EVC: variants seen among roughly 807,000 people sequenced by gnomAD.
EVC encodes EvC ciliary complex subunit 1, also known as evC complex member EVC.
Under a neutral mutation model 118.9 loss-of-function variants are expected in EVC, and 116 were observed. That is an observed-to-expected ratio of 0.98 (90% CI 0.84 to 1.14). The LOEUF (loss-of-function observed/expected upper bound fraction) is 1.14, where lower values mean the gene tolerates loss of function less well. EVC is among the 50% of genes most tolerant of loss of function. The pLI is 0.00. For synonymous variants in EVC, 619 were observed against 534.7 expected (o/e 1.16, Z -2.18); for missense variants, 1,401 against 1,246.4 (o/e 1.12, Z -1.87).
chr4:5,806,495 C>T (rs1209837757), intron 17 of EVC, among the ~76,000 whole-genome samples: 1 of 152,096 alleles, frequency 6.6e-6, no homozygotes, highest in East Asian at 1.9e-4. Flanking sequence ...CCTCCAGTTC[C>T]ATCCACGTTG....
chr4:5,808,135 C>CAACCAA, intron 17 of EVC, 66 bp from the exon 18 acceptor site: 2 of 515,900 alleles, frequency 3.9e-6, no homozygotes, highest in Non-Finnish European at 7.4e-6. Flanking sequence ...TTCCTTCTCC[C>CAACCAA]TCCCTCCCTC....
In EVC at chr4:5,711,301, C is replaced by T. The variant is rs1390359062; in HGVS notation, c.-80C>T. The T allele has an allele frequency of 1.0e-6, 1 of 960,818 alleles. No homozygotes were observed. Among genetic ancestry groups the T allele is most frequent in the Non-Finnish European group, 1.2e-6 (1 of 803,262 alleles). 59.5% of individuals were successfully genotyped at this position (960,818 alleles called of 1,614,324 possible). A position where few individuals can be genotyped will look rare whatever the true frequency, so the allele number is the denominator to read the frequency against. On this transcript the variant is annotated 5_prime_UTR_variant, in exon 1 of 21. Transcript: ENST00000264956. ...GCCGCGCCCCTGGCCCGCCCGGGCTCCAAGTCCCGCGTCGCCGCCCTGGCG... is the reference window on the plus strand; with the variant it reads ...GCCGCGCCCCTGGCCCGCCCGGGCTTCAAGTCCCGCGTCGCCGCCCTGGCG...
intron 11 of EVC, among the ~76,000 whole-genome samples, chr4:5,764,645 T>A (rs1171572404): frequency 0.016 from 2,130 of 136,508 alleles, 84 homozygotes; most frequent in Non-Finnish European, 0.025. Flanking sequence ...GTGTATGTGT[T>A]GAGGAATTTA....
chr4:5,725,912 C>T (rs1041158871), intron 2 of EVC, among the ~76,000 whole-genome samples: 4 of 152,218 alleles, frequency 2.6e-5, no homozygotes, highest in East Asian at 1.9e-4. Flanking sequence ...GAGGGGTCTT[C>T]CCCCATTCTT....
rs1047525297 is a variant in EVC, at chr4:5,814,196, T to C, written c.*3159T>C. 2 of 152,314 alleles carry C rather than the reference T, an allele frequency of 1.3e-5. No homozygotes were observed. Among genetic ancestry groups the C allele is most frequent in the Non-Finnish European group, 2.9e-5 (2 of 68,098 alleles). 9.4% of individuals were successfully genotyped at this position (152,314 alleles called of 1,614,324 possible). On this transcript the variant is annotated 3_prime_UTR_variant, in exon 21 of 21. Transcript: ENST00000264956. Reference sequence around the variant, plus strand: ...CCTCCATTTTGGTTACCATCCCCACTTATTATGGGCTGTGGGCTGTTATGG... The same window carrying C: ...CCTCCATTTTGGTTACCATCCCCACCTATTATGGGCTGTGGGCTGTTATGG...
rs1425817422 is a variant in EVC at position 5,768,823 on chromosome 4, C to T, written c.1563+12461C>T. 4.9e-5 allele frequency among the ~76,000 whole-genome samples: 3 copies of T among 61,438 alleles called. No homozygotes were observed. In the East Asian group the frequency reaches 1.3e-3, roughly 26 times the overall value. The allele number at this position is 61,438 out of a possible 152,430, so 40.3% of individuals were successfully genotyped here. A position where few individuals can be genotyped will look rare whatever the true frequency, so the allele number is the denominator to read the frequency against. On this transcript the variant is annotated intron_variant, in intron 11 of 20. Transcript: ENST00000264956. ...AGTGAGGCGAGATCACACCACTGTA[C>T]TCTAGCCTGGTGACAGAGCAAAACT...
At chr4:5,772,265 A>G (rs558583736) in intron 11 of EVC, among the ~76,000 whole-genome samples, 1 of 152,246 alleles carries the variant, frequency 6.6e-6, no homozygotes, top group East Asian at 1.9e-4. Context: ...TACAACTCAC[A>G]GTGCCCTTGT....
At position 5,754,872 on chromosome 4, in the gene EVC, C is replaced by A. The variant is rs1730925824; in HGVS notation, c.1464+939C>A. Among the ~76,000 whole-genome samples, 1 of 152,156 alleles carries A rather than the reference C, an allele frequency of 6.6e-6. No individual in the cohort carries two copies. The highest frequency in any genetic ancestry group is 2.1e-4 in the South Asian group (1 of 4,816). ...TTGCCTGGGTCCGCCTGCCCTCCGT[C>A]AACACTTGGTACAGCACATCTCAGT... On this transcript the variant is annotated intron_variant, in intron 10 of 20. Coordinates refer to ENST00000264956, the MANE Select transcript of EVC (RefSeq NM_153717.3). This position sits in a 1 kb window ranked among gnomAD's most constrained non-coding sequence, Gnocchi z 5.8.
At position 5,793,672 on chromosome 4, in the gene EVC, G is replaced by A; in HGVS notation, c.1841G>A (p.Gly614Asp). ...LQTHLREDHE[G>D]TIRGVLGRLG... is the part of the protein sequence containing the mutation. ...ACACACCTGCGGGAGGACCACGAGGGCACCATCCGCGGCGTCTTGGGCCGA... is the reference window on the plus strand; with the variant it reads ...ACACACCTGCGGGAGGACCACGAGGACACCATCCGCGGCGTCTTGGGCCGA... Residue 614 changes from glycine (G) to aspartate (D), a missense_variant, in exon 13 of 21, where the codon GGC (glycine) becomes GAC (aspartate). Transcript: ENST00000264956. 3 of 1,552,632 alleles carry A rather than the reference G, an allele frequency of 1.9e-6. No individual in the cohort carries two copies. The highest frequency in any genetic ancestry group is 2.6e-6 in the Non-Finnish European group (3 of 1,147,976).
rs775782712 is a variant in EVC at position 5,749,502 on chromosome 4, T to A, written c.1098+1196T>A. On this transcript the variant is annotated intron_variant, in intron 8 of 20. Transcript: ENST00000264956. The surrounding 1 kb of genome is among the most constrained non-coding windows in gnomAD (Gnocchi z 4.4). ...TCTGTTGTTTGGAGCTGTGTGATCTTGAACACATTACTTAACCTCTCTGCG... is the reference window on the plus strand; with the variant it reads ...TCTGTTGTTTGGAGCTGTGTGATCTAGAACACATTACTTAACCTCTCTGCG... Among the ~76,000 whole-genome samples, 2 of 152,180 alleles carry A rather than the reference T, an allele frequency of 1.3e-5. No individual in the cohort carries two copies. Among genetic ancestry groups the A allele is most frequent in the Non-Finnish European group, 2.9e-5 (2 of 68,036 alleles).
chr4:5,818,782 A>C (rs1718054488), downstream of EVC, among the ~76,000 whole-genome samples: 1 of 152,224 alleles, frequency 6.6e-6, no homozygotes, highest in Admixed American at 6.5e-5. Context: ...TCTCAGTCTC[A>C]AAGTCTGTAA....
chr4:5,795,956 T>C (rs1713870536), intron 13 of EVC, among the ~76,000 whole-genome samples: 1 of 152,148 alleles, frequency 6.6e-6, no homozygotes, highest in Admixed American at 6.5e-5. Context: ...TCTGAGGCTT[T>C]TCCACTTTAT....
chr4:5,753,243 G>C (rs574403615), intron 9 of EVC, among the ~76,000 whole-genome samples, 191 bp downstream of exon 9: 169 of 152,356 alleles, frequency 1.1e-3, no homozygotes, highest in African/African-American at 3.9e-3. Context: ...CTGTACAGCA[G>C]AGTCCATGAG....
chr4:5,774,175 C>T (rs755744682), intron 11 of EVC, among the ~76,000 whole-genome samples: 1 of 151,862 alleles, frequency 6.6e-6, no homozygotes, highest in Non-Finnish European at 1.5e-5. Context: ...GGCCACCTGC[C>T]CATTTCTGGC....
chr4:5,752,659 G>A (rs779107297), intron 8 of EVC, 177 bp from the exon 9 acceptor site: 18 of 709,610 alleles, frequency 2.5e-5, no homozygotes, highest in South Asian at 1.5e-4. Context: ...TCCCCACCTC[G>A]GGGGCAGACG....
At chr4:5,769,074 G>T (rs1290386160) in intron 11 of EVC, among the ~76,000 whole-genome samples, 1 of 152,078 alleles carries the variant, frequency 6.6e-6, no homozygotes, top group African/African-American at 2.4e-5. Flanking sequence ...ATATTAATTT[G>T]TTCTCACACT....
rs1009790386 is a variant in EVC at position 5,745,441 on chromosome 4, T to TG, written c.939+101dup. 55 of 1,281,456 alleles carry TG rather than the reference T, an allele frequency of 4.3e-5. No individual in the cohort carries two copies. The Middle Eastern group carries it at 7.8e-4, about 18-fold the overall frequency. The allele number at this position is 1,281,456 out of a possible 1,614,324, so 79.4% of individuals were successfully genotyped here. ...GATAGTTAGAAGTGTGCCTAATACT[T>TG]GAATTCCCCTATCGCATTCTGCCCT... is the stretch of plus-strand genomic sequence containing the variant. On this transcript the variant is annotated intron_variant, in intron 7 of 20. Transcript: ENST00000264956.
intron 12 of EVC, among the ~76,000 whole-genome samples, chr4:5,786,727 CCAAGTGTGATGA>C (rs1200627756): frequency 6.6e-6 from 1 of 152,026 alleles, no homozygotes; most frequent in African/African-American, 2.4e-5. Flanking sequence ...CAAAAATTAG[CCAAGTGTGATGA>C]CAGGTGCCTG....
intron 15 of EVC, 37 bp from the exon 16 acceptor site, chr4:5,801,913 C>T: frequency 3.1e-6 from 5 of 1,608,938 alleles, no homozygotes; most frequent in Non-Finnish European, 4.2e-6. Flanking sequence ...CCACGTGTGA[C>T]TTCTCTGCTG....
Sources: gnomAD v4.1 joint callset for allele counts (sites outside exome capture counted in the v4.1 genomes callset) on GRCh38, gnomAD v4.1.1 for gene constraint, Gnocchi (gnomAD v3.1) non-coding constraint, MANE v1.5 for transcripts, NCBI Gene and HGNC (gene_info 2026-07-23, HGNC 2026-07-21) for gene names.